The following PAH variants were observed in gnomAD, a reference collection of about 807,000 sequenced individuals.
PAH encodes the protein phenylalanine hydroxylase.
In PAH, 64 loss-of-function variants were observed where a neutral mutation model predicts 62.0. The ratio of observed to expected loss-of-function variants is 1.03; its 90% CI spans 0.84 to 1.27. PAH has a LOEUF of 1.27. PAH is among the 50% of genes most tolerant of loss of function. The probability of loss-of-function intolerance (pLI) is 0.00; values close to 1 mark genes in which losing one functional copy is unlikely to be tolerated. For missense variants in PAH, 579 were observed against 542.8 expected (o/e 1.07, Z -0.66); for synonymous variants, 195 against 196.2 (o/e 0.99, Z 0.05).
chr12:102,858,991 G>C (rs893819991), intron 5 of PAH, among the ~76,000 whole-genome samples: 2 of 152,006 alleles, frequency 1.3e-5, no homozygotes, highest in African/African-American at 4.8e-5. Context: ...AACTGAAGGA[G>C]ATAGAGACAC....
chr12:102,897,106 C>T (rs1323276714), intron 2 of PAH, among the ~76,000 whole-genome samples: 1 of 152,116 alleles, frequency 6.6e-6, no homozygotes, highest in Non-Finnish European at 1.5e-5. Flanking sequence ...GCCTAGGGGT[C>T]AAATTGTTTA....
intron 3 of PAH, among the ~76,000 whole-genome samples, chr12:102,890,686 T>A (rs149432605): frequency 6.6e-6 from 1 of 152,360 alleles, no homozygotes; most frequent in East Asian, 1.9e-4. Context: ...AACTTTGACA[T>A]TTTGAGCAAG....
chr12:102,958,342 C>A, exon 1 of PAH: 1 of 1,457,542 alleles, frequency 6.9e-7, no homozygotes, highest in Non-Finnish European at 9.0e-7. Flanking sequence ...TGTTTCTTTG[C>A]CACGGCCGCA....
chr12:102,905,512 C>T (rs1877939686), intron 2 of PAH, among the ~76,000 whole-genome samples: 1 of 152,072 alleles, frequency 6.6e-6, no homozygotes, highest in Non-Finnish European at 1.5e-5. Context: ...TTTCTCATAA[C>T]AATTGGTTTT....
chr12:102,926,817 C>CTCAGAGGACAGAGCAACAATGT (rs1407411424), intron 1 of PAH, among the ~76,000 whole-genome samples: 4 of 147,904 alleles, frequency 2.7e-5, no homozygotes, highest in African/African-American at 5.0e-5. Flanking sequence ...TATTTTATGT[C>CTCAGAGGACAGAGCAACAATGT]CATTGTATCT....
intron 1 of PAH, among the ~76,000 whole-genome samples, chr12:102,922,619 A>G (rs1014954204): frequency 2.0e-5 from 3 of 152,148 alleles, no homozygotes; most frequent in African/African-American, 7.2e-5. Flanking sequence ...ATCGTAATTT[A>G]TTTCATCAGT....
chr12:102,905,921 A>G (rs1372983233), intron 2 of PAH, among the ~76,000 whole-genome samples: 1 of 152,208 alleles, frequency 6.6e-6, no homozygotes, highest in African/African-American at 2.4e-5. Flanking sequence ...AAATTTCAGT[A>G]TGACAAATTA....
intron 2 of PAH, chr12:102,904,839 C>A: frequency 2.8e-6 from 1 of 357,050 alleles, no homozygotes. Flanking sequence ...AGTCCCCCTG[C>A]TCTACCAAGC....
At chr12:102,913,948 A>G (rs1018470438) in intron 1 of PAH, 1 of 676,724 alleles carries the variant, frequency 1.5e-6, no homozygotes, top group Non-Finnish European at 2.7e-6. Flanking sequence ...GAAGAAAAAA[A>G]TTTGCAGAAC....
intron 1 of PAH, chr12:102,913,890 A>G: frequency 1.4e-6 from 1 of 700,508 alleles, no homozygotes. Context: ...AAAATAATAC[A>G]TAAAATTCTA....
At chr12:102,889,561 T>C (rs763608259) in intron 3 of PAH, among the ~76,000 whole-genome samples, 2 of 151,448 alleles carry the variant, frequency 1.3e-5, no homozygotes, top group Admixed American at 6.6e-5. Context: ...GATAGATAGA[T>C]AGATAGATAG....
chr12:102,941,713 T>C (rs934805768), intron 1 of PAH, among the ~76,000 whole-genome samples: 2 of 152,078 alleles, frequency 1.3e-5, no homozygotes, highest in African/African-American at 4.8e-5. Context: ...CAGGAAACTA[T>C]CGCAAAGCAA....
At chr12:102,857,948 T>C (rs1875518967) in intron 5 of PAH, among the ~76,000 whole-genome samples, 1 of 152,188 alleles carries the variant, frequency 6.6e-6, no homozygotes. Context: ...AACATCATAA[T>C]GACAGGATCA....
chr12:102,870,919 A>C (rs1329038573), intron 4 of PAH, among the ~76,000 whole-genome samples: 1 of 152,196 alleles, frequency 6.6e-6, no homozygotes, highest in Non-Finnish European at 1.5e-5. Flanking sequence ...CTAGTTGCCC[A>C]AGCCCATAAG....
intron 1 of PAH, among the ~76,000 whole-genome samples, chr12:102,938,626 C>T (rs1879183722): frequency 6.6e-6 from 1 of 152,150 alleles, no homozygotes; most frequent in Non-Finnish European, 1.5e-5. Flanking sequence ...CCAGTAGCAG[C>T]TCTGCATTTC....
intron 12 of PAH, among the ~76,000 whole-genome samples, chr12:102,839,718 G>C (rs550639913): frequency 2.0e-5 from 3 of 152,342 alleles, no homozygotes; most frequent in South Asian, 2.1e-4. Flanking sequence ...AGAATCCATG[G>C]TCTAAGCAGA....
chr12:102,838,570 C>G lies in PAH; in HGVS notation c.*605G>C, dbSNP rs1023707615. On this transcript the variant is annotated 3_prime_UTR_variant, in exon 13 of 13. Transcript: ENST00000553106. ...AGGTGCAGAGTTTTATTACCTTATA[C>G]AGCAGTATTTATGATTACAATAAAA... The G allele has an allele frequency of 6.6e-6, 1 of 152,180 alleles. No homozygotes were observed. The highest frequency in any genetic ancestry group is 2.1e-4 in the South Asian group (1 of 4,832). The allele number at this position is 152,180 out of a possible 1,614,324, so 9.4% of individuals were successfully genotyped here.
upstream of PAH, among the ~76,000 whole-genome samples, chr12:102,922,185 T>A (rs540746003): frequency 6.7e-6 from 1 of 148,574 alleles, no homozygotes; most frequent in East Asian, 1.9e-4. Context: ...TACATGATTC[T>A]AAATCTTGCC....
intron 1 of PAH, among the ~76,000 whole-genome samples, chr12:102,925,581 G>T (rs189082260): frequency 3.3e-5 from 5 of 152,244 alleles, no homozygotes; most frequent in Admixed American, 6.5e-5. Flanking sequence ...AGACTTCAGA[G>T]AAAAATGCAA....
Sources: gnomAD v4.1 joint callset for allele counts (sites outside exome capture counted in the v4.1 genomes callset) on GRCh38, gnomAD v4.1.1 for gene constraint, MANE v1.5 for transcripts, NCBI Gene and HGNC (gene_info 2026-07-23, HGNC 2026-07-21) for gene names.